SETDB2: variants seen among roughly 807,000 people sequenced by gnomAD.
SETDB2 encodes the protein SET domain bifurcated histone lysine methyltransferase 2, also known as histone-lysine N-methyltransferase SETDB2.
SETDB2 carries 56 observed loss-of-function variants against 82.5 expected under a neutral mutation model. That is an observed-to-expected ratio of 0.68 (90% confidence interval 0.55 to 0.85). The LOEUF is 0.85. SETDB2 is among the 40% of genes least tolerant of loss of function. The pLI is 0.00. For missense variants in SETDB2, 677 were observed against 816.4 expected, an observed-to-expected ratio of 0.83 and a Z score of 2.08; for synonymous variants, 272 against 284.9, an observed-to-expected ratio of 0.95 and a Z score of 0.46.
chr13:49,491,649 G>A, intron 13 of SETDB2, 83 bp from the exon 14 acceptor site: 1 of 924,230 alleles, frequency 1.1e-6, no homozygotes, highest in Non-Finnish European at 1.7e-6. Context: ...GATGGTTAAT[G>A]TTAATATGAA....
At position 49,476,604 on chromosome 13, in the gene SETDB2, T is replaced by C; in HGVS notation, c.434T>C (p.Leu145Pro). Residue 145 changes from leucine (L) to proline (P), a missense_variant, in exon 6 of 14, where the codon CTG becomes CCG. Transcript: ENST00000611815. ...GGTGCTTGTCTGATGAAAATGCCAC[T>C]GAACTTGAAGGGAGAAAACCCTCTG... Reference protein sequence around the residue: ...CSGACLMKMPLNLKGENPLQL... With the variant: ...CSGACLMKMPPNLKGENPLQL... 6.2e-7 allele frequency: 1 copy of C among 1,614,188 alleles called. No homozygotes were observed.
At chr13:49,455,706 T>C (rs1957869439) in intron 2 of SETDB2, among the ~76,000 whole-genome samples, 1 of 152,096 alleles carries the variant, frequency 6.6e-6, no homozygotes, top group Non-Finnish European at 1.5e-5. Flanking sequence ...TTTGCTCATA[T>C]GCCAAACACT....
chr13:49,482,207 CCTG>C, intron 8 of SETDB2: 3 of 985,352 alleles, frequency 3.0e-6, no homozygotes, highest in Non-Finnish European at 3.6e-6. Flanking sequence ...GTAAGAATAT[CCTG>C]CTATTAATTT....
intron 4 of SETDB2, among the ~76,000 whole-genome samples, chr13:49,464,902 T>C (rs1311281276): frequency 1.3e-5 from 2 of 151,368 alleles, no homozygotes; most frequent in South Asian, 2.1e-4. Context: ...TCTCTACAGA[T>C]AATAAAAAAA....
chr13:49,456,216 C>G (rs372221146), intron 2 of SETDB2, among the ~76,000 whole-genome samples: 12 of 152,220 alleles, frequency 7.9e-5, no homozygotes, highest in African/African-American at 2.9e-4. Context: ...AAGCCCCTTA[C>G]TACATATGTT....
At chr13:49,456,185 T>C (rs1054871521) in intron 2 of SETDB2, among the ~76,000 whole-genome samples, 7 of 152,176 alleles carry the variant, frequency 4.6e-5, no homozygotes, top group African/African-American at 1.7e-4. Flanking sequence ...ACCTTAGAGT[T>C]CCTCTAGACC....
intron 7 of SETDB2, 73 bp from the exon 8 acceptor site, chr13:49,480,874 T>C: frequency 2.0e-6 from 3 of 1,500,536 alleles, no homozygotes; most frequent in South Asian, 1.2e-5. Flanking sequence ...TCAGTAGTTA[T>C]CAGTGTCAGT....
At chr13:49,470,728 G>T (rs1958211478) in intron 5 of SETDB2, among the ~76,000 whole-genome samples, 2 of 152,006 alleles carry the variant, frequency 1.3e-5, no homozygotes, top group South Asian at 4.1e-4. Flanking sequence ...ACATGCCTGT[G>T]GTCCCAGCTA....
At position 49,491,862 on chromosome 13, in the gene SETDB2, C is replaced by A; in HGVS notation, c.*13C>A. The A allele has an allele frequency of 6.5e-7, 1 of 1,534,100 alleles. No individual in the cohort carries two copies. Among genetic ancestry groups the A allele is most frequent in the Non-Finnish European group, 9.0e-7 (1 of 1,108,000 alleles). Reference sequence around the variant, plus strand: ...AAAAATATTATAAATATGTAACTAACGCCTGTTTGTGAAATTAGCTTATCA... The same window carrying A: ...AAAAATATTATAAATATGTAACTAAAGCCTGTTTGTGAAATTAGCTTATCA... On this transcript the variant is annotated 3_prime_UTR_variant, in exon 14 of 14. Coordinates refer to ENST00000611815, the MANE Select transcript of SETDB2 (RefSeq NM_001160308.3).
intron 2 of SETDB2, among the ~76,000 whole-genome samples, chr13:49,454,745 A>G (rs1198027268): frequency 6.6e-6 from 1 of 152,230 alleles, no homozygotes; most frequent in African/African-American, 2.4e-5. Flanking sequence ...AATGTCATGC[A>G]TCTATAATTA....
intron 5 of SETDB2, 48 bp downstream of exon 5, chr13:49,468,008 T>C: frequency 7.4e-7 from 1 of 1,360,310 alleles, no homozygotes. Context: ...CCTACAGATT[T>C]CTTCTTTATA....
Position 49,451,066 on chromosome 13 carries a change from G to A in SETDB2, c.-341-487G>A, listed in dbSNP as rs140017209. 1.6e-3 allele frequency among the ~76,000 whole-genome samples: 244 copies of A among 151,446 alleles called. 1 individual carries two copies. Among genetic ancestry groups the A allele is most frequent in the African/African-American group, 5.6e-3 (231 of 41,428 alleles). ...ATTATACAAAAATATTAGTGATGGA[G>A]GAAAATGCAGGAAATGTTTTTAATG... On this transcript the variant is annotated intron_variant, in intron 1 of 13. Coordinates refer to ENST00000611815, the MANE Select transcript of SETDB2 (RefSeq NM_001160308.3).
Position 49,480,956 on chromosome 13 carries a change from A to G in SETDB2, c.996A>G (p.Glu332=). The part of the protein sequence containing the change: ...LQRQIPTGIY[E]CSLLCKCNRQ... ...CATATTTTGTTGACAGCATTTATGA[A>G]TGCAGCCTTTTGTGCAAATGTAATC... The change falls in exon 8 of 14, where the codon GAA becomes GAG. Residue 332 remains glutamate (E), a synonymous_variant. Coordinates refer to ENST00000611815, the MANE Select transcript of SETDB2 (RefSeq NM_001160308.3). The G allele has an allele frequency of 2.5e-6, 4 of 1,613,810 alleles. No homozygotes were observed. The highest frequency in any genetic ancestry group is 3.4e-6 in the Non-Finnish European group (4 of 1,179,884).
At chr13:49,463,475 G>A (rs949125845) in intron 4 of SETDB2, among the ~76,000 whole-genome samples, 1 of 152,134 alleles carries the variant, frequency 6.6e-6, no homozygotes, top group African/African-American at 2.4e-5. Context: ...TACACAAGGG[G>A]GTGGGCTAGC....
intron 5 of SETDB2, among the ~76,000 whole-genome samples, chr13:49,474,413 A>G (rs1034402299): frequency 6.6e-6 from 1 of 152,246 alleles, no homozygotes; most frequent in Non-Finnish European, 1.5e-5. Context: ...ACTATGGAGA[A>G]CAATTTGGCA....
chr13:49,490,071 G>A (rs1958681091), intron 12 of SETDB2, among the ~76,000 whole-genome samples: 1 of 150,488 alleles, frequency 6.6e-6, no homozygotes, highest in Non-Finnish European at 1.5e-5. Context: ...GAGGTCAGGA[G>A]TTTGAGACCA....
chr13:49,492,509 TACAAACAGATAGG>T lies in SETDB2; in HGVS notation c.*662_*674del, dbSNP rs1412335420. On this transcript the variant is annotated 3_prime_UTR_variant, in exon 14 of 14. Transcript: ENST00000611815. Reference sequence around the variant, plus strand: ...CCACAGATTTTCTCTACTCTTTCTATACAAACAGATAGGAGAAGAGGGAATAGAAACCTGGAGG... The same window carrying T: ...CCACAGATTTTCTCTACTCTTTCTATAGAAGAGGGAATAGAAACCTGGAGG... The T allele has an allele frequency of 3.3e-5, 5 of 152,348 alleles. No individual in the cohort carries two copies. The highest frequency in any genetic ancestry group is 3.3e-4 in the Admixed American group (5 of 15,278). 9.4% of individuals were successfully genotyped at this position (152,348 alleles called of 1,614,324 possible).
At position 49,451,721 on chromosome 13, in the gene SETDB2, T is replaced by C. The variant is rs1957789591; in HGVS notation, c.-173T>C. 2 of 420,698 alleles carry C rather than the reference T, an allele frequency of 4.8e-6. No individual in the cohort carries two copies. The highest frequency in any genetic ancestry group is 1.4e-4 in the South Asian group (2 of 14,162). The allele number at this position is 420,698 out of a possible 1,614,324, so 26.1% of individuals were successfully genotyped here. On this transcript the variant is annotated 5_prime_UTR_variant, in exon 2 of 14. Transcript: ENST00000611815. ...AAGTTTCTTCAGCCACAATTTCTAT[T>C]TGAAAATTCAAGTATCAAAGGATAC... is the stretch of plus-strand genomic sequence containing the variant.
At chr13:49,446,213 A>G (rs1255200691) in intron 1 of SETDB2, among the ~76,000 whole-genome samples, 1 of 152,176 alleles carries the variant, frequency 6.6e-6, no homozygotes, top group Non-Finnish European at 1.5e-5. Context: ...AATTAAGTAC[A>G]CTTTTACATT....
Sources: allele counts gnomAD v4.1 joint callset (sites outside exome capture counted in the v4.1 genomes callset), GRCh38; gene constraint gnomAD v4.1.1; transcripts MANE v1.5; gene names NCBI Gene and HGNC (gene_info 2026-07-23, HGNC 2026-07-21).